PLEKHG5: variants seen among roughly 807,000 people sequenced by gnomAD.
PLEKHG5 encodes the protein pleckstrin homology domain-containing family G member 5.
In PLEKHG5, 52 loss-of-function variants were observed where a neutral mutation model predicts 103.8. That is an observed-to-expected ratio of 0.50 (90% CI 0.40 to 0.63). The LOEUF is 0.63. PLEKHG5 is among the 30% of genes least tolerant of loss of function. PLEKHG5 has a pLI of 0.00. For missense variants in PLEKHG5, 1,205 were observed against 1,347.6 expected (o/e 0.89, Z 1.66); for synonymous variants, 592 against 575.5 (o/e 1.03, Z -0.41).
rs1191766568 is a variant in PLEKHG5, at chr1:6,470,613, C to T, written c.1573G>A (p.Val525Met). 3.1e-6 allele frequency: 5 copies of T among 1,595,052 alleles called. No homozygotes were observed. Among genetic ancestry groups the T allele is most frequent in the Non-Finnish European group, 4.3e-6 (5 of 1,175,704 alleles). Residue 525 changes from valine (V) to methionine (M), a missense_variant, in exon 15 of 21, where the codon GTG becomes ATG. By Grantham distance (21) the Val-to-Met change is conservative (BLOSUM62 1). Coordinates refer to ENST00000377728, the MANE Select transcript of PLEKHG5 (RefSeq NM_020631.6). ...IGSVERFIHH[V>M]NACMRQRQER... ...TGCCGCTGCCGCATGCACGCGTTCA[C>T]GTGGTGGATGAAGCGCTCCACGGAG...
At chr1:6,481,937 G>A (rs1644913270) in intron 1 of PLEKHG5, among the ~76,000 whole-genome samples, 1 of 147,976 alleles carries the variant, frequency 6.8e-6, no homozygotes, top group Admixed American at 6.7e-5. Flanking sequence ...TTTTTTTTTA[G>A]GGTTAAGGCC....
Position 6,471,024 on chromosome 1 carries a change from A to G in PLEKHG5, c.1358T>C (p.Leu453Pro), listed in dbSNP as rs1644560630. 1 of 1,605,866 alleles carries G rather than the reference A, an allele frequency of 6.2e-7. No individual in the cohort carries two copies. The highest frequency in any genetic ancestry group is 8.5e-7 in the Non-Finnish European group (1 of 1,176,740). ...EGCMEYMRGL[L>P]RDNDLFRAYI... is the part of the protein sequence containing the mutation. Reference sequence around the variant, plus strand: ...GGCCCGGAAGAGGTCGTTGTCGCGCAGCAGGCCGCGCATGTACTCCATGCA... The same window carrying G: ...GGCCCGGAAGAGGTCGTTGTCGCGCGGCAGGCCGCGCATGTACTCCATGCA... The change falls in exon 13 of 21, where the codon CTG (leucine) becomes CCG (proline). Residue 453 changes from leucine to proline, a missense_variant. Physicochemically the swap from Leu to Pro is moderately conservative, Grantham distance 98 (BLOSUM62 -3). Coordinates refer to ENST00000377728, the MANE Select transcript of PLEKHG5 (RefSeq NM_020631.6).
In PLEKHG5 at chr1:6,490,564, T is replaced by C. The variant is rs1227294827; in HGVS notation, c.-88+1073A>G. ...GACGGGAGCCGCGGGACGGGCTCAGTCGACTCAGCGCAAACTGGGGCGCGG... is the reference window on the plus strand; with the variant it reads ...GACGGGAGCCGCGGGACGGGCTCAGCCGACTCAGCGCAAACTGGGGCGCGG... On this transcript the variant is annotated intron_variant, in intron 1 of 20. Transcript: ENST00000377728. The surrounding 1 kb of genome is among the most constrained non-coding windows in gnomAD (Gnocchi z 8.0). The C allele has an allele frequency of 5.1e-6, 5 of 985,106 alleles. No homozygotes were observed. In the African/African-American group the frequency reaches 8.8e-5, roughly 17 times the overall value. 61.0% of individuals were successfully genotyped at this position (985,106 alleles called of 1,614,324 possible).
chr1:6,477,661 G>T lies in PLEKHG5; in HGVS notation c.-87-3C>A. 6.2e-7 allele frequency: 1 copy of T among 1,602,806 alleles called. No individual in the cohort carries two copies. On this transcript the variant is annotated splice_region_variant and splice_polypyrimidine_tract_variant and intron_variant, in intron 1 of 20. Transcript: ENST00000377728. ...TGGCAGTCGGCGTGGTGACATACCT[G>T]GGGTGGGGACAGAAGCCTTCAGGAG...
intron 5 of PLEKHG5, 42 bp from the exon 6 acceptor site, chr1:6,474,629 C>T (rs751682577): frequency 1.2e-6 from 2 of 1,608,658 alleles, no homozygotes; most frequent in Non-Finnish European, 1.7e-6. Context: ...AACCAGGCGG[C>T]CAGTCGCTTC....
At position 6,481,011 on chromosome 1, in the gene PLEKHG5, G is replaced by A. The variant is rs564216896; in HGVS notation, c.-87-3353C>T. Reference sequence around the variant, plus strand: ...ATCTGGTCAGCCCGAAAATCCCGCTGGCTCCACCTTTAGTATCTGTGGCCT... The same window carrying A: ...ATCTGGTCAGCCCGAAAATCCCGCTAGCTCCACCTTTAGTATCTGTGGCCT... On this transcript the variant is annotated intron_variant, in intron 1 of 20. Coordinates refer to ENST00000377728, the MANE Select transcript of PLEKHG5 (RefSeq NM_020631.6). Among the ~76,000 whole-genome samples the A allele has an allele frequency of 2.6e-5, 4 of 152,234 alleles. No individual in the cohort carries two copies. The East Asian group carries it at 7.7e-4, about 29-fold the overall frequency.
At chr1:6,497,248 G>A, upstream of PLEKHG5, 1 of 883,282 alleles carries the variant, frequency 1.1e-6, no homozygotes, top group Non-Finnish European at 1.8e-6. The surrounding 1 kb of genome is among the most constrained non-coding windows in gnomAD (Gnocchi z 6.1). Context: ...GGCCCTCCCC[G>A]GAGGAGGTTA....
At chr1:6,515,576 C>T (rs1203182427) in intron 1 of PLEKHG5, among the ~76,000 whole-genome samples, 1 of 151,836 alleles carries the variant, frequency 6.6e-6, no homozygotes, top group Non-Finnish European at 1.5e-5. Flanking sequence ...CCTATAATCC[C>T]AGCACTTGGG....
intron 1 of PLEKHG5, among the ~76,000 whole-genome samples, chr1:6,514,258 C>A (rs1460770988): frequency 1.3e-5 from 2 of 151,832 alleles, no homozygotes; most frequent in Non-Finnish European, 2.9e-5. Context: ...AGGTTGAGAC[C>A]AGGCTGGGCA....
chr1:6,513,729 T>C (rs1467490705), intron 1 of PLEKHG5, among the ~76,000 whole-genome samples: 2 of 152,228 alleles, frequency 1.3e-5, no homozygotes, highest in Admixed American at 6.5e-5. Flanking sequence ...TCAAACCATC[T>C]ACCCCATTGT....
Position 6,470,771 on chromosome 1 carries a change from G to C in PLEKHG5, c.1506C>G (p.Thr502=), listed in dbSNP as rs570632527. 1.9e-6 allele frequency: 3 copies of C among 1,567,276 alleles called. No homozygotes were observed. The highest frequency in any genetic ancestry group is 1.2e-5 in the South Asian group (1 of 85,798). ...CGGCCTCCTTGGCGCGCGGCTCCTC[G>C]GTCTTCCTCAGCACCGACTTGAGCA... ...PLLLKSVLRK[T]EEPRAKEAVV... The change falls in exon 14 of 21, where the codon ACC becomes ACG. Residue 502 remains threonine (T), a synonymous_variant. Transcript: ENST00000377728.
intron 10 of PLEKHG5, 117 bp downstream of exon 10, chr1:6,472,410 C>T: frequency 2.5e-6 from 2 of 792,952 alleles, no homozygotes; most frequent in Non-Finnish European, 4.3e-6. Context: ...GTCTGACTTT[C>T]CTGCCCCCAC....
intron 1 of PLEKHG5, among the ~76,000 whole-genome samples, chr1:6,517,413 G>A (rs1219122983): frequency 1.3e-5 from 2 of 151,800 alleles, no homozygotes; most frequent in South Asian, 4.2e-4. Context: ...CAAAAGGTCT[G>A]TAACCCCCAG....
At chr1:6,501,658 A>G (rs1044483593), upstream of PLEKHG5, among the ~76,000 whole-genome samples, 2 of 152,108 alleles carry the variant, frequency 1.3e-5, no homozygotes, top group African/African-American at 4.8e-5. The surrounding 1 kb of genome is among the most constrained non-coding windows in gnomAD (Gnocchi z 4.3). Context: ...GGGTAGAGAG[A>G]TTTGCCCAAG....
upstream of PLEKHG5, chr1:6,497,342 CGCGGGGG>C: frequency 3.9e-6 from 4 of 1,035,372 alleles, no homozygotes; most frequent in Non-Finnish European, 4.9e-6. The surrounding 1 kb of genome is among the most constrained non-coding windows in gnomAD (Gnocchi z 6.1). Flanking sequence ...CCCCGTGCCG[CGCGGGGG>C]GCGGGCGGCG....
In PLEKHG5 at chr1:6,468,599, G is replaced by C; in HGVS notation, c.2250-13C>G. ...GCCATCTGAGGCACTGTGGGGCCAGGAGCAGAGTCAGCCCAGGCCATGAAA... is the reference window on the plus strand; with the variant it reads ...GCCATCTGAGGCACTGTGGGGCCAGCAGCAGAGTCAGCCCAGGCCATGAAA... On this transcript the variant is annotated splice_polypyrimidine_tract_variant and intron_variant, in intron 19 of 20. Transcript: ENST00000377728. 1 of 1,612,898 alleles carries C rather than the reference G, an allele frequency of 6.2e-7. No individual in the cohort carries two copies. The highest frequency in any genetic ancestry group is 8.5e-7 in the Non-Finnish European group (1 of 1,179,918).
chr1:6,467,452 A>G lies in PLEKHG5; in HGVS notation c.*111T>C. Reference sequence around the variant, plus strand: ...GGCGTAGGCAGGGATCCTGCCCAGCATCCGGCTCATGCATACAGGAGGCAG... The same window carrying G: ...GGCGTAGGCAGGGATCCTGCCCAGCGTCCGGCTCATGCATACAGGAGGCAG... On this transcript the variant is annotated 3_prime_UTR_variant, in exon 21 of 21. Coordinates refer to ENST00000377728, the MANE Select transcript of PLEKHG5 (RefSeq NM_020631.6). 9.2e-7 allele frequency: 1 copy of G among 1,088,830 alleles called. No individual in the cohort carries two copies. The allele number at this position is 1,088,830 out of a possible 1,614,324, so 67.4% of individuals were successfully genotyped here. A position where few individuals can be genotyped will look rare whatever the true frequency, so the allele number is the denominator to read the frequency against.
upstream of PLEKHG5, among the ~76,000 whole-genome samples, chr1:6,497,789 A>T (rs1039794359): frequency 6.6e-6 from 1 of 152,164 alleles, no homozygotes; most frequent in Non-Finnish European, 1.5e-5. This position sits in a 1 kb window ranked among gnomAD's most constrained non-coding sequence, Gnocchi z 6.1. Context: ...GAGGGCTGTC[A>T]CCGGGAGAGA....
chr1:6,507,827 AC>A (rs1454076099), intron 1 of PLEKHG5, among the ~76,000 whole-genome samples: 1 of 152,142 alleles, frequency 6.6e-6, no homozygotes, highest in East Asian at 1.9e-4. Flanking sequence ...CATCACTGGC[AC>A]CCACACGACC....
Sources: allele counts gnomAD v4.1 joint callset (sites outside exome capture counted in the v4.1 genomes callset), GRCh38; gene constraint gnomAD v4.1.1; non-coding constraint Gnocchi (gnomAD v3.1); transcripts MANE v1.5; gene names NCBI Gene and HGNC (gene_info 2026-07-23, HGNC 2026-07-21).